Variants in SMIM40 observed in about 807,000 individuals in gnomAD.
The protein encoded by SMIM40 is small integral membrane protein 40.
At chr6:33,326,102 G>T (rs1771153580) in intron 1 of SMIM40, among the ~76,000 whole-genome samples, 1 of 148,326 alleles carries the variant, frequency 6.7e-6, no homozygotes, top group African/African-American at 2.6e-5. Context: ...AGGAGCTCAA[G>T]GAAAAAAGAG....
chr6:33,325,877 T>C (rs1771141485), intron 1 of SMIM40, among the ~76,000 whole-genome samples: 1 of 147,442 alleles, frequency 6.8e-6, no homozygotes, highest in East Asian at 1.9e-4. Context: ...AAAAAAAGTG[T>C]ACGATCACAT....
intron 1 of SMIM40, among the ~76,000 whole-genome samples, chr6:33,328,245 A>G (rs60103328): frequency 2.7e-5 from 4 of 149,606 alleles, no homozygotes; most frequent in African/African-American, 9.8e-5. Flanking sequence ...CCGGAGTGCA[A>G]TGGTGCGATC....
chr6:33,328,302 C>T (rs527880647), intron 1 of SMIM40, among the ~76,000 whole-genome samples: 204 of 151,310 alleles, frequency 1.3e-3, no homozygotes, highest in Non-Finnish European at 2.5e-3. Flanking sequence ...TCTCCTGCCT[C>T]AGCCTCTGAG....
Position 33,329,003 on chromosome 6 carries a change from GA to G in SMIM40, c.*22del. 2.5e-6 allele frequency: 1 copy of G among 397,496 alleles called. No individual in the cohort carries two copies. The highest frequency in any genetic ancestry group is 4.4e-6 in the Non-Finnish European group (1 of 225,492). The allele number at this position is 397,496 out of a possible 1,614,324, so 24.6% of individuals were successfully genotyped here. On this transcript the variant is annotated 3_prime_UTR_variant, in exon 1 of 3. Coordinates refer to ENST00000494082, the MANE Select transcript of SMIM40 (RefSeq NM_001369203.1). ...CCCTCTCACCTCCTTGGTGGGGAAA[GA>G]AGATGTTTATAGGAAAGGTGGTCAC...
At chr6:33,325,360 G>C (rs1307922545) in intron 1 of SMIM40, among the ~76,000 whole-genome samples, 68 of 81,464 alleles carry the variant, frequency 8.3e-4, no homozygotes, top group Admixed American at 3.2e-3. Context: ...GCAAGACTCT[G>C]TCTCAAAAAA....
At chr6:33,325,686 CAAA>C (rs9280407) in intron 1 of SMIM40, among the ~76,000 whole-genome samples, 7 of 98,670 alleles carry the variant, frequency 7.1e-5, no homozygotes, top group South Asian at 3.1e-4. Context: ...CTAAAAATAC[CAAA>C]AAAAAAAAAA....
chr6:33,326,208 T>C (rs569737780), intron 1 of SMIM40, among the ~76,000 whole-genome samples: 10 of 147,992 alleles, frequency 6.8e-5, no homozygotes, highest in African/African-American at 2.6e-4. Context: ...TCGCCCAGGC[T>C]GGAGTTCAAT....
intron 1 of SMIM40, among the ~76,000 whole-genome samples, chr6:33,325,569 C>T (rs1433152632): frequency 6.9e-6 from 1 of 145,626 alleles, no homozygotes; most frequent in Non-Finnish European, 1.5e-5. Context: ...CGGCCAGGCA[C>T]GGTGGCTCAC....
At chr6:33,324,545 C>CTTTTTTTTTTTTTTTTTTTCCTTTTTTTT (rs1771014602) in intron 1 of SMIM40, among the ~76,000 whole-genome samples, 1 of 103,216 alleles carries the variant, frequency 9.7e-6, no homozygotes, top group African/African-American at 3.6e-5. Flanking sequence ...ACCACCTTTT[C>CTTTTTTTTTTTTTTTTTTTCCTTTTTTTT]TTTTTTTTTT....
chr6:33,326,946 A>T (rs1278223065), intron 1 of SMIM40, among the ~76,000 whole-genome samples: 2 of 144,624 alleles, frequency 1.4e-5, no homozygotes, highest in Non-Finnish European at 3.0e-5. Context: ...ACATGATGAA[A>T]CCCCGTCTCT....
chr6:33,328,370 A>G (rs918030180), intron 1 of SMIM40, among the ~76,000 whole-genome samples: 1 of 150,916 alleles, frequency 6.6e-6, no homozygotes, highest in African/African-American at 2.4e-5. Context: ...TTGTATTTTT[A>G]GTAGACATGG....
At chr6:33,324,545 C>CTTTTTTTTTTTT (rs9280406) in intron 1 of SMIM40, among the ~76,000 whole-genome samples, 2 of 103,200 alleles carry the variant, frequency 1.9e-5, no homozygotes, top group Non-Finnish European at 3.9e-5. Context: ...ACCACCTTTT[C>CTTTTTTTTTTTT]TTTTTTTTTT....
chr6:33,325,657 C>G (rs371094123), intron 1 of SMIM40, among the ~76,000 whole-genome samples: 7 of 138,042 alleles, frequency 5.1e-5, no homozygotes, highest in African/African-American at 2.1e-4. Flanking sequence ...CTGGCTAACA[C>G]GGTGAAACCC....
intron 1 of SMIM40, among the ~76,000 whole-genome samples, 191 bp from the exon 2 acceptor site, chr6:33,324,221 C>T (rs527352524): frequency 1.0e-3 from 152 of 152,252 alleles, no homozygotes; most frequent in South Asian, 5.2e-3. Flanking sequence ...AAGTCTACAG[C>T]TTTCAAAATG....
intron 1 of SMIM40, among the ~76,000 whole-genome samples, chr6:33,328,430 T>A (rs1183840593): frequency 2.0e-5 from 3 of 151,712 alleles, no homozygotes; most frequent in African/African-American, 7.2e-5. Flanking sequence ...CTTTAGGTGA[T>A]CCCCCTGCCT....
At position 33,328,999 on chromosome 6, in the gene SMIM40, GA is replaced by G. The variant is rs1246275848; in HGVS notation, c.*26del. The stretch of plus-strand genomic sequence containing the variant: ...TCTCCCCTCTCACCTCCTTGGTGGG[GA>G]AAGAAGATGTTTATAGGAAAGGTGG... On this transcript the variant is annotated 3_prime_UTR_variant, in exon 1 of 3. Coordinates refer to ENST00000494082, the MANE Select transcript of SMIM40 (RefSeq NM_001369203.1). 1 of 398,382 alleles carries G rather than the reference GA, an allele frequency of 2.5e-6. No individual in the cohort carries two copies. The highest frequency in any genetic ancestry group is 4.4e-6 in the Non-Finnish European group (1 of 226,094). 24.7% of individuals were successfully genotyped at this position (398,382 alleles called of 1,614,324 possible). A position where few individuals can be genotyped will look rare whatever the true frequency, so the allele number is the denominator to read the frequency against.
intron 1 of SMIM40, among the ~76,000 whole-genome samples, chr6:33,325,978 G>T (rs1771148355): frequency 6.7e-6 from 1 of 149,364 alleles, no homozygotes; most frequent in Non-Finnish European, 1.5e-5. Flanking sequence ...TCACAAGAAA[G>T]ATATTTTTCA....
At position 33,329,084 on chromosome 6, in the gene SMIM40, G is replaced by T; in HGVS notation, c.182C>A (p.Ala61Glu). Residue 61 changes from alanine to glutamate, a missense_variant, in exon 1 of 3, where the codon GCA becomes GAA. Ala to Glu is a moderately radical substitution (Grantham distance 107, BLOSUM62 -1). Transcript: ENST00000494082. ...CCCCAGGAGCCAGTCCCCTAACTTT[G>T]CCCATAGTAGTAACCACAGCAGCTT... ...AYKLLWLLLWAKLGDWLLGTP... is the reference protein window; with the variant it reads ...AYKLLWLLLWEKLGDWLLGTP... The T allele has an allele frequency of 7.5e-6, 3 of 398,652 alleles. No individual in the cohort carries two copies. The highest frequency in any genetic ancestry group is 1.3e-5 in the Non-Finnish European group (3 of 226,182). 24.7% of individuals were successfully genotyped at this position (398,652 alleles called of 1,614,324 possible). A position where few individuals can be genotyped will look rare whatever the true frequency, so the allele number is the denominator to read the frequency against.
At position 33,329,165 on chromosome 6, in the gene SMIM40, G is replaced by C. The variant is rs1464822384; in HGVS notation, c.101C>G (p.Ala34Gly). The C allele has an allele frequency of 2.5e-6, 1 of 398,910 alleles. No individual in the cohort carries two copies. The highest frequency in any genetic ancestry group is 4.4e-6 in the Non-Finnish European group (1 of 226,276). 24.7% of individuals were successfully genotyped at this position (398,910 alleles called of 1,614,324 possible). The part of the protein sequence containing the change: ...RGPVRRALDK[A>G]FFIFLALFLT... ...GAAGAGGGCCAGGAAGATAAAGAAA[G>C]CCTTGTCCAAGGCACGTCGCACGGG... The change falls in exon 1 of 3, where the codon GCT (alanine) becomes GGT (glycine). Residue 34 changes from alanine (A) to glycine (G), a missense_variant. Ala to Gly is a moderately conservative substitution (Grantham distance 60). Coordinates refer to ENST00000494082, the MANE Select transcript of SMIM40 (RefSeq NM_001369203.1).
Sources: gnomAD v4.1 joint callset for allele counts (sites outside exome capture counted in the v4.1 genomes callset) on GRCh38, gnomAD v4.1.1 for gene constraint, MANE v1.5 for transcripts, NCBI Gene and HGNC (gene_info 2026-07-23, HGNC 2026-07-21) for gene names.